The following CACNB2 variants were observed in gnomAD, a reference collection of about 807,000 sequenced individuals.
CACNB2 encodes voltage-dependent L-type calcium channel subunit beta-2.
In CACNB2, 42 loss-of-function variants were observed where a neutral mutation model predicts 73.3. The observed-to-expected ratio is 0.57, with a 90% CI of 0.45 to 0.74. CACNB2 has a LOEUF of 0.74. Ranked by LOEUF, CACNB2 falls within the 30% of genes least tolerant of loss-of-function variation. CACNB2 has a pLI of 0.00. For missense variants in CACNB2, 940 were observed against 853.0 expected (o/e 1.10, Z -1.27); for synonymous variants, 348 against 310.3 (o/e 1.12, Z -1.28).
chr10:18,275,199 A>G (rs17682394), intron 2 of CACNB2, among the ~76,000 whole-genome samples: 15,390 of 152,230 alleles, frequency 0.1, 1,059 homozygotes, highest in Non-Finnish European at 0.16. Flanking sequence ...CAGAGTTCCT[A>G]CAGATACCCC....
intron 2 of CACNB2, among the ~76,000 whole-genome samples, chr10:18,362,692 G>A (rs748377360): frequency 3.3e-5 from 5 of 152,176 alleles, no homozygotes; most frequent in Admixed American, 6.5e-5. Context: ...TGTAATTCCA[G>A]CACTTCGGGA....
intron 2 of CACNB2, among the ~76,000 whole-genome samples, chr10:18,236,364 A>G (rs186908726): frequency 4.6e-5 from 7 of 152,372 alleles, no homozygotes; most frequent in African/African-American, 7.2e-5. Flanking sequence ...AGCCCACAGT[A>G]TGGACATCTC....
chr10:18,171,521 GAAA>G (rs370201485), intron 2 of CACNB2, among the ~76,000 whole-genome samples: 19 of 32,584 alleles, frequency 5.8e-4, no homozygotes, highest in African/African-American at 1.1e-3. Context: ...TTTGATAGCA[GAAA>G]AAAAAAAAAA....
At chr10:18,151,703 A>G (rs1183841170) in intron 2 of CACNB2, among the ~76,000 whole-genome samples, 3 of 152,134 alleles carry the variant, frequency 2.0e-5, no homozygotes, top group African/African-American at 4.8e-5. Context: ...GGAATGAGTG[A>G]GCTTGTTTCT....
intron 2 of CACNB2, among the ~76,000 whole-genome samples, chr10:18,362,011 T>G (rs2042162782): frequency 6.6e-6 from 1 of 152,216 alleles, no homozygotes; most frequent in African/African-American, 2.4e-5. Context: ...TTATATTTTG[T>G]AGGGATGAGG....
rs1323243452 is a variant in CACNB2 at position 18,532,187 on chromosome 10, G to A, written c.1055-1889G>A. 6.6e-5 allele frequency among the ~76,000 whole-genome samples: 10 copies of A among 152,114 alleles called. 1 individual carries two copies. In the East Asian group the frequency reaches 1.9e-3, roughly 29 times the overall value. ...TATCTACTAATACAGTGTTGCACCA[G>A]GATTCTGAAAGTCCACTTTAAAATA... is the stretch of plus-strand genomic sequence containing the variant. On this transcript the variant is annotated intron_variant, in intron 10 of 13. Coordinates refer to ENST00000324631, the MANE Select transcript of CACNB2 (RefSeq NM_201596.3).
intron 10 of CACNB2, among the ~76,000 whole-genome samples, chr10:18,530,708 T>TAA (rs1392925017): frequency 6.6e-6 from 1 of 152,208 alleles, no homozygotes; most frequent in African/African-American, 2.4e-5. Context: ...GAAAAATCTT[T>TAA]AAGTCAAACC....
At chr10:18,205,509 T>C (rs1230109104) in intron 2 of CACNB2, among the ~76,000 whole-genome samples, 2 of 152,234 alleles carry the variant, frequency 1.3e-5, no homozygotes, top group Non-Finnish European at 1.5e-5. Flanking sequence ...CTGTGTGCCA[T>C]GACAGCTCTT....
At chr10:18,445,846 C>T (rs994359273) in intron 3 of CACNB2, among the ~76,000 whole-genome samples, 5 of 152,194 alleles carry the variant, frequency 3.3e-5, no homozygotes, top group African/African-American at 1.2e-4. Context: ...CCAGCCTGGT[C>T]AACATGGTGA....
At chr10:18,284,809 T>G (rs1305435750) in intron 2 of CACNB2, among the ~76,000 whole-genome samples, 2 of 151,574 alleles carry the variant, frequency 1.3e-5, no homozygotes, top group African/African-American at 4.9e-5. Flanking sequence ...AACAAAAAAA[T>G]ATATAGAATG....
chr10:18,532,625 C>T (rs559983217), intron 10 of CACNB2, among the ~76,000 whole-genome samples: 5 of 137,494 alleles, frequency 3.6e-5, no homozygotes, highest in African/African-American at 1.1e-4. Flanking sequence ...TGTGGTGAGC[C>T]GAGACTGCAC....
intron 3 of CACNB2, among the ~76,000 whole-genome samples, chr10:18,481,959 G>T (rs999995331): frequency 3.3e-5 from 5 of 152,214 alleles, no homozygotes; most frequent in Middle Eastern, 3.4e-3. Context: ...GCGCGATCTC[G>T]GCTTACTGCA....
intron 2 of CACNB2, among the ~76,000 whole-genome samples, chr10:18,267,004 G>A (rs999530350): frequency 4.6e-5 from 7 of 152,112 alleles, no homozygotes; most frequent in African/African-American, 1.7e-4. Context: ...TACTATGTGT[G>A]TGTGTGTATA....
intron 3 of CACNB2, among the ~76,000 whole-genome samples, chr10:18,471,362 G>C (rs2048178969): frequency 6.6e-6 from 1 of 152,118 alleles, no homozygotes; most frequent in Non-Finnish European, 1.5e-5. Flanking sequence ...TGTCAGATGA[G>C]TGTTTCTGGA....
chr10:18,462,038 T>A (rs2047608566), intron 3 of CACNB2, among the ~76,000 whole-genome samples: 1 of 152,164 alleles, frequency 6.6e-6, no homozygotes, highest in African/African-American at 2.4e-5. Context: ...ATCTATCCCG[T>A]TCTAGAGAAT....
chr10:18,472,964 C>T (rs1323887252), intron 3 of CACNB2, among the ~76,000 whole-genome samples: 1 of 152,190 alleles, frequency 6.6e-6, no homozygotes, highest in Non-Finnish European at 1.5e-5. Flanking sequence ...CAAATTTGAG[C>T]ATCGCTGCTG....
chr10:18,318,997 C>A (rs1057485397), intron 2 of CACNB2, among the ~76,000 whole-genome samples: 1 of 152,020 alleles, frequency 6.6e-6, no homozygotes, highest in Non-Finnish European at 1.5e-5. Flanking sequence ...ACACTGTTGG[C>A]GGGAATGTAA....
intron 4 of CACNB2, 89 bp downstream of exon 4, chr10:18,498,566 A>C (rs1170408078): frequency 7.6e-7 from 1 of 1,323,384 alleles, no homozygotes; most frequent in African/African-American, 1.5e-5. Context: ...GTTTCTGTGA[A>C]GTAGCATTGC....
At chr10:18,240,836 C>A (rs184067968) in intron 2 of CACNB2, among the ~76,000 whole-genome samples, 2,057 of 152,260 alleles carry the variant, frequency 0.014, 39 homozygotes, top group Non-Finnish European at 0.017. Flanking sequence ...ACCCCCTCTG[C>A]CTGCCCATGG....
Sources: gnomAD v4.1 joint callset for allele counts (sites outside exome capture counted in the v4.1 genomes callset) on GRCh38, gnomAD v4.1.1 for gene constraint, MANE v1.5 for transcripts, NCBI Gene and HGNC (gene_info 2026-07-23, HGNC 2026-07-21) for gene names.